TDRD9: variants seen among roughly 807,000 people sequenced by gnomAD.
TDRD9 encodes the protein tudor domain containing 9, also known as ATP-dependent RNA helicase TDRD9.
TDRD9 carries 124 observed loss-of-function variants against 172.6 expected under a neutral mutation model. The observed-to-expected ratio is 0.72, with a 90% CI of 0.62 to 0.83. The LOEUF is 0.83. Ranked by LOEUF, TDRD9 falls within the 40% of genes least tolerant of loss-of-function variation. TDRD9 has a pLI of 0.00. For synonymous variants in TDRD9, 619 were observed against 617.1 expected (o/e 1.00, Z -0.05); for missense variants, 1,479 against 1,714.1 (o/e 0.86, Z 2.42).
chr14:103,969,488 TATG>T, intron 5 of TDRD9, among the ~76,000 whole-genome samples: 1 of 152,194 alleles, frequency 6.6e-6, no homozygotes, highest in Non-Finnish European at 1.5e-5. Flanking sequence ...GCATGAGATT[TATG>T]ATGATGTTAA....
intron 34 of TDRD9, among the ~76,000 whole-genome samples, chr14:104,044,715 G>T (rs2035714777): frequency 6.6e-6 from 1 of 152,062 alleles, no homozygotes; most frequent in Non-Finnish European, 1.5e-5. Flanking sequence ...ATTATTTCCA[G>T]TATTTGGCCA....
chr14:103,960,784 T>C (rs2032473945), intron 2 of TDRD9, among the ~76,000 whole-genome samples: 1 of 152,234 alleles, frequency 6.6e-6, no homozygotes, highest in Non-Finnish European at 1.5e-5. Context: ...CATTTTTTCT[T>C]GTAAAATTTC....
chr14:103,952,209 TA>T (rs2031936756), intron 1 of TDRD9, among the ~76,000 whole-genome samples: 1 of 84,520 alleles, frequency 1.2e-5, no homozygotes, highest in African/African-American at 5.8e-5. Context: ...TATATATATA[TA>T]TATATATATA....
Position 103,938,432 on chromosome 14 carries a change from A to T in TDRD9, c.215+9708A>T, listed in dbSNP as rs1429882818. On this transcript the variant is annotated intron_variant, in intron 1 of 35. Transcript: ENST00000409874. ...TGTGTGTGTATATATATATATATAT[A>T]TATATATATTTTTTTTTTTTTTTTG... Among the ~76,000 whole-genome samples the T allele has an allele frequency of 4.7e-3, 174 of 37,150 alleles. 6 individuals are homozygous for T. The highest frequency in any genetic ancestry group is 0.016 in the African/African-American group (155 of 9,450). The allele number at this position is 37,150 out of a possible 152,430, so 24.4% of individuals were successfully genotyped here.
At chr14:103,987,867 T>G (rs2033729624) in intron 8 of TDRD9, among the ~76,000 whole-genome samples, 1 of 152,224 alleles carries the variant, frequency 6.6e-6, no homozygotes, top group Non-Finnish European at 1.5e-5. Context: ...CAGTTGTTAT[T>G]GAATTGCCTA....
intron 1 of TDRD9, 127 bp downstream of exon 1, chr14:103,928,851 G>A: frequency 1.4e-5 from 4 of 290,282 alleles, no homozygotes; most frequent in Non-Finnish European, 2.5e-5. Context: ...ACCCCTGACC[G>A]TCCAGGGCGA....
intron 1 of TDRD9, among the ~76,000 whole-genome samples, chr14:103,947,571 C>G (rs2031637904): frequency 6.6e-6 from 1 of 152,168 alleles, no homozygotes; most frequent in Admixed American, 6.5e-5. Flanking sequence ...TCGTGATCCA[C>G]CCGCCTTGGC....
rs2032647733 is a variant in TDRD9, at chr14:103,964,498, G to A, written c.421-835G>A. Among the ~76,000 whole-genome samples, 3 of 152,014 alleles carry A rather than the reference G, an allele frequency of 2.0e-5. No homozygotes were observed. In the South Asian group the frequency reaches 6.2e-4, roughly 32 times the overall value. ...CCTGGTTTTTCCACAGCTATCACTA[G>A]TTACTATTTTTTTTGTTGTTGTTTT... On this transcript the variant is annotated intron_variant, in intron 3 of 35. Coordinates refer to ENST00000409874, the MANE Select transcript of TDRD9 (RefSeq NM_153046.3).
intron 33 of TDRD9, among the ~76,000 whole-genome samples, chr14:104,041,859 G>A (rs192226880): frequency 1.8e-4 from 28 of 152,302 alleles, no homozygotes; most frequent in Non-Finnish European, 3.8e-4. Flanking sequence ...TTGAAAACTA[G>A]CATCCACATA....
chr14:104,007,987 G>C (rs1171271320), intron 19 of TDRD9, among the ~76,000 whole-genome samples: 1 of 152,086 alleles, frequency 6.6e-6, no homozygotes, highest in African/African-American at 2.4e-5. Context: ...CACTGTGTTA[G>C]CTAGGGTGGT....
At chr14:104,029,282 A>AT (rs1478939999) in intron 28 of TDRD9, among the ~76,000 whole-genome samples, 1 of 152,174 alleles carries the variant, frequency 6.6e-6, no homozygotes, top group East Asian at 1.9e-4. Flanking sequence ...TAGTATGGTC[A>AT]TTTTAACAAT....
At chr14:103,978,651 T>A (rs2033351618) in intron 7 of TDRD9, among the ~76,000 whole-genome samples, 1 of 152,184 alleles carries the variant, frequency 6.6e-6, no homozygotes, top group African/African-American at 2.4e-5. Flanking sequence ...TGACTGATGT[T>A]TTTCTCATGG....
chr14:103,964,516 G>A (rs1018691706), intron 3 of TDRD9, among the ~76,000 whole-genome samples: 3 of 151,692 alleles, frequency 2.0e-5, no homozygotes, highest in African/African-American at 7.3e-5. Flanking sequence ...TTTTTTTGTT[G>A]TTGTTTTTGT....
At chr14:103,998,937 C>T (rs1370534766) in intron 13 of TDRD9, among the ~76,000 whole-genome samples, 8 of 152,134 alleles carry the variant, frequency 5.3e-5, no homozygotes, top group East Asian at 3.9e-4. Context: ...GGACTACAGG[C>T]GCCTGCCACC....
Position 103,928,583 on chromosome 14 carries a change from T to C in TDRD9, c.74T>C (p.Leu25Pro). The C allele has an allele frequency of 7.3e-7, 1 of 1,366,812 alleles. No individual in the cohort carries two copies. Among genetic ancestry groups the C allele is most frequent in the Non-Finnish European group, 9.6e-7 (1 of 1,041,634 alleles). The allele number at this position is 1,366,812 out of a possible 1,614,324, so 84.7% of individuals were successfully genotyped here. Reference sequence around the variant, plus strand: ...GGCAAGACGGTGACCAATGTGGAGCTGCTGGGCGCGCCGCCCGCCTTCCCG... The same window carrying C: ...GGCAAGACGGTGACCAATGTGGAGCCGCTGGGCGCGCCGCCCGCCTTCCCG... The part of the protein sequence containing the change: ...TIGKTVTNVE[L>P]LGAPPAFPAG... Residue 25 changes from leucine (L) to proline (P), a missense_variant, in exon 1 of 36, where the codon CTG becomes CCG. Around this residue, in one of 3 missense-constraint regions of TDRD9, gnomAD observed 63 missense variants for 48.4 expected, o/e 1.30. Transcript: ENST00000409874.
At chr14:104,015,579 T>G (rs773305394) in intron 21 of TDRD9, among the ~76,000 whole-genome samples, 3 of 152,116 alleles carry the variant, frequency 2.0e-5, no homozygotes, top group Non-Finnish European at 4.4e-5. Flanking sequence ...AGTGCTCCAA[T>G]TGGAGTTTTA....
intron 21 of TDRD9, among the ~76,000 whole-genome samples, chr14:104,015,682 A>G (rs1367608556): frequency 1.3e-5 from 2 of 152,162 alleles, no homozygotes; most frequent in African/African-American, 4.8e-5. Context: ...AGGATGGTTT[A>G]TGTCCTTGTT....
chr14:103,966,965 C>A, intron 5 of TDRD9, 134 bp downstream of exon 5: 1 of 821,744 alleles, frequency 1.2e-6, no homozygotes, highest in Non-Finnish European at 1.7e-6. Flanking sequence ...CTGGACTTTT[C>A]TCAGTAAGGA....
chr14:103,943,021 G>A (rs141540302), intron 1 of TDRD9, among the ~76,000 whole-genome samples: 5 of 151,518 alleles, frequency 3.3e-5, no homozygotes, highest in African/African-American at 9.7e-5. Context: ...ATAATTCATC[G>A]TAGAAAAATC....
Sources: allele counts gnomAD v4.1 joint callset (sites outside exome capture counted in the v4.1 genomes callset), GRCh38; gene constraint gnomAD v4.1.1; regional missense constraint gnomAD v4.1.1; transcripts MANE v1.5; gene names NCBI Gene and HGNC (gene_info 2026-07-23, HGNC 2026-07-21).